Variants in MVP observed in about 807,000 individuals in gnomAD.
MVP encodes the protein major vault protein.
In MVP, 62 loss-of-function variants were observed where a neutral mutation model predicts 83.5. The observed-to-expected ratio is 0.74, with a 90% CI of 0.61 to 0.92. MVP has a LOEUF of 0.92. Among genes scored for constraint, MVP ranks in the 40% least tolerant of loss-of-function variants. MVP has a pLI of 0.00. For missense variants in MVP, 1,000 were observed against 1,203.4 expected (o/e 0.83, Z 2.50); for synonymous variants, 505 against 504.1 (o/e 1.00, Z -0.02).
intron 1 of MVP, among the ~76,000 whole-genome samples, chr16:29,824,968 C>A (rs756576857): frequency 6.6e-6 from 1 of 151,722 alleles, no homozygotes; most frequent in Non-Finnish European, 1.5e-5. Flanking sequence ...TCTTGAACTC[C>A]TGGCCTCAAT....
At chr16:29,822,321 T>TAA (rs58807414) in intron 1 of MVP, among the ~76,000 whole-genome samples, 70 of 143,582 alleles carry the variant, frequency 4.9e-4, no homozygotes, top group African/African-American at 1.4e-3. Context: ...TGTGCTGCTT[T>TAA]AAAAAAAAAA....
At position 29,829,046 on chromosome 16, in the gene MVP, G is replaced by T. The variant is rs1469952585; in HGVS notation, c.-35-1469G>T. Among the ~76,000 whole-genome samples the T allele has an allele frequency of 4.0e-5, 6 of 150,598 alleles. No homozygotes were observed. The South Asian group carries it at 6.3e-4, about 16-fold the overall frequency. ...TTTTTCACCTGGGGTTGGAGGCTGGGTAGATGGTGGAATTGATGAGGAACC... is the reference window on the plus strand; with the variant it reads ...TTTTTCACCTGGGGTTGGAGGCTGGTTAGATGGTGGAATTGATGAGGAACC... On this transcript the variant is annotated intron_variant, in intron 1 of 14. Coordinates refer to ENST00000357402, the MANE Select transcript of MVP (RefSeq NM_005115.5).
At chr16:29,834,271 TG>T (rs1418588983) in intron 5 of MVP, 15 of 641,690 alleles carry the variant, frequency 2.3e-5, no homozygotes, top group Non-Finnish European at 3.3e-5. Flanking sequence ...AATGTGACCA[TG>T]ACCATGCGGA....
chr16:29,843,113 G>T (rs959355428), intron 10 of MVP, among the ~76,000 whole-genome samples: 2 of 152,154 alleles, frequency 1.3e-5, no homozygotes, highest in African/African-American at 4.8e-5. Flanking sequence ...CCATTGAAAA[G>T]ATGCAATGAG....
intron 1 of MVP, among the ~76,000 whole-genome samples, chr16:29,822,003 A>G (rs534876639): frequency 6.6e-6 from 1 of 151,662 alleles, no homozygotes; most frequent in East Asian, 1.9e-4. Flanking sequence ...GAATGGGAGG[A>G]TGGCTTGAGG....
chr16:29,834,058 G>T lies in MVP; in HGVS notation c.569G>T (p.Arg190Met). The T allele has an allele frequency of 1.2e-6, 2 of 1,613,582 alleles. No individual in the cohort carries two copies. Among genetic ancestry groups the T allele is most frequent in the South Asian group, 1.1e-5 (1 of 90,910 alleles). Residue 190 changes from arginine (R) to methionine (M), a missense_variant, in exon 5 of 15, where the codon AGG becomes ATG. Coordinates refer to ENST00000357402, the MANE Select transcript of MVP (RefSeq NM_005115.5). ...TGCTGGGACCGGGACGGCAAGGAGA[G>T]GGTGACAGGTGGGGTCACCAAGGGG... ...KECWDRDGKE[R>M]VTGEEWLVTT... is the part of the protein sequence containing the mutation.
intron 1 of MVP, chr16:29,820,857 A>G (rs902547978): frequency 2.0e-5 from 3 of 152,098 alleles, no homozygotes; most frequent in African/African-American, 7.3e-5. Context: ...TTAGCCCTAG[A>G]TCGGTGCTTG....
At position 29,833,737 on chromosome 16, in the gene MVP, T is replaced by TC; in HGVS notation, c.327dup (p.Thr110HisfsTer19). Reference sequence around the variant, plus strand: ...CTCCACCTTCTTCCCCACTAGGACATCACACCCCTGCAGGTGGTTCTGCCC... The same window carrying TC: ...CTCCACCTTCTTCCCCACTAGGACATCCACACCCCTGCAGGTGGTTCTGCCC... On this transcript the variant is annotated frameshift_variant, in exon 4 of 15. Coordinates refer to ENST00000357402, the MANE Select transcript of MVP (RefSeq NM_005115.5). LOFTEE classifies it high-confidence loss of function. 2 of 1,613,956 alleles carry TC rather than the reference T, an allele frequency of 1.2e-6. No homozygotes were observed. Among genetic ancestry groups the TC allele is most frequent in the Non-Finnish European group, 1.7e-6 (2 of 1,179,968 alleles).
At position 29,844,507 on chromosome 16, in the gene MVP, A is replaced by G. The variant is rs2067564262; in HGVS notation, c.1649A>G (p.Asn550Ser). Residue 550 changes from asparagine to serine, a missense_variant, in exon 11 of 15, where the codon AAT becomes AGT. Transcript: ENST00000357402. ...QLAYNWHFEV[N>S]DRKDPQETAK... ...TTTGTTCACAGGCACTTTGAGGTGAATGACCGGAAGGACCCCCAAGAGACG... is the reference window on the plus strand; with the variant it reads ...TTTGTTCACAGGCACTTTGAGGTGAGTGACCGGAAGGACCCCCAAGAGACG... 6.5e-7 allele frequency: 1 copy of G among 1,539,064 alleles called. No individual in the cohort carries two copies. The highest frequency in any genetic ancestry group is 1.3e-5 in the South Asian group (1 of 78,606).
At position 29,836,756 on chromosome 16, in the gene MVP, G is replaced by A. The variant is rs374900434; in HGVS notation, c.707G>A (p.Arg236Gln). 26 of 1,604,180 alleles carry A rather than the reference G, an allele frequency of 1.6e-5. No homozygotes were observed. The highest frequency in any genetic ancestry group is 4.5e-5 in the East Asian group (2 of 44,578). Residue 236 changes from arginine (R) to glutamine (Q), a missense_variant, in exon 7 of 15, where the codon CGG (arginine) becomes CAG (glutamine). Physicochemically the swap from Arg to Gln is conservative, Grantham distance 43 (BLOSUM62 1). Transcript: ENST00000357402. The stretch of plus-strand genomic sequence containing the variant: ...CACCTCCGGGCTCGGCGGAACTTCC[G>A]GGACTTCAGGGGAGTGTCCCGCCGC... The part of the protein sequence containing the change: ...ALHLRARRNF[R>Q]DFRGVSRRTG...
chr16:29,843,554 G>GAGGGAGGAAGGGAGGA (rs2067553690), intron 10 of MVP, among the ~76,000 whole-genome samples: 1 of 19,470 alleles, frequency 5.1e-5, no homozygotes, highest in Non-Finnish European at 9.9e-5. Flanking sequence ...GGAAGGGAGG[G>GAGGGAGGAAGGGAGGA]AGGGAGGGAG....
intron 14 of MVP, 35 bp from the exon 15 acceptor site, chr16:29,847,727 G>A (rs760037555): frequency 2.4e-5 from 39 of 1,597,502 alleles, no homozygotes; most frequent in East Asian, 4.5e-5. Flanking sequence ...AGGGTTTGAC[G>A]CCCATCTCAA....
At chr16:29,842,632 A>G (rs1456018157) in intron 10 of MVP, among the ~76,000 whole-genome samples, 2 of 152,056 alleles carry the variant, frequency 1.3e-5, no homozygotes, top group East Asian at 3.9e-4. Flanking sequence ...AAAAAAACAA[A>G]CCGGGTGGCA....
At chr16:29,835,635 C>CTG in intron 5 of MVP, 69 bp from the exon 6 acceptor site, 1 of 1,299,480 alleles carries the variant, frequency 7.7e-7, no homozygotes. Context: ...TGTGTCTAAG[C>CTG]TGTGGGGGAG....
intron 11 of MVP, 36 bp downstream of exon 11, chr16:29,844,915 C>T: frequency 6.4e-7 from 1 of 1,566,414 alleles, no homozygotes; most frequent in South Asian, 1.2e-5. Flanking sequence ...CCTATAATGC[C>T]CATGGCAGGC....
At chr16:29,836,579 A>AAAC in intron 6 of MVP, 143 bp from the exon 7 acceptor site, 1 of 545,962 alleles carries the variant, frequency 1.8e-6, no homozygotes, top group Non-Finnish European at 2.9e-6. Context: ...CTCCGATTTA[A>AAAC]AAAAAAAAAA....
intron 3 of MVP, among the ~76,000 whole-genome samples, chr16:29,832,292 C>CTTTTT (rs36059297): frequency 2.9e-4 from 31 of 107,268 alleles, no homozygotes; most frequent in African/African-American, 4.8e-4. Context: ...ATTCTTGTAC[C>CTTTTT]TTTTTTTTTT....
rs531533458 is a variant in MVP, at chr16:29,841,411, G to A, written c.1192-185G>A. ...GAGGAAACTGAAGCCCAAGGGGTGA[G>A]GTAGTTAGCCCACGATGACAGGGCC... On this transcript the variant is annotated intron_variant, in intron 8 of 14. Coordinates refer to ENST00000357402, the MANE Select transcript of MVP (RefSeq NM_005115.5). This position sits in a 1 kb window ranked among gnomAD's most constrained non-coding sequence, Gnocchi z 4.7. Among the ~76,000 whole-genome samples, 1 of 152,294 alleles carries A rather than the reference G, an allele frequency of 6.6e-6. No homozygotes were observed. Among genetic ancestry groups the A allele is most frequent in the African/African-American group, 2.4e-5 (1 of 41,568 alleles).
chr16:29,841,473 C>CG lies in MVP; in HGVS notation c.1192-122dup. The CG allele has an allele frequency of 7.7e-7, 1 of 1,305,270 alleles. No individual in the cohort carries two copies. The highest frequency in any genetic ancestry group is 1.6e-5 in the South Asian group (1 of 63,986). 80.9% of individuals were successfully genotyped at this position (1,305,270 alleles called of 1,614,324 possible). A position where few individuals can be genotyped will look rare whatever the true frequency, so the allele number is the denominator to read the frequency against. On this transcript the variant is annotated intron_variant, in intron 8 of 14. Coordinates refer to ENST00000357402, the MANE Select transcript of MVP (RefSeq NM_005115.5). This position sits in a 1 kb window ranked among gnomAD's most constrained non-coding sequence, Gnocchi z 4.7. The stretch of plus-strand genomic sequence containing the variant: ...AACCCGGGGTGGAGCCTGGCCTCCC[C>CG]GTAGAGAAGGTGTTTAACCTCGTGG...
Sources: allele counts gnomAD v4.1 joint callset (sites outside exome capture counted in the v4.1 genomes callset), GRCh38; gene constraint gnomAD v4.1.1; non-coding constraint Gnocchi (gnomAD v3.1); transcripts MANE v1.5; gene names NCBI Gene and HGNC (gene_info 2026-07-23, HGNC 2026-07-21).